The following SHISA9 variants were observed in gnomAD, a reference collection of about 807,000 sequenced individuals.
SHISA9 encodes shisa family member 9.
SHISA9 carries 13 observed loss-of-function variants against 38.0 expected under a neutral mutation model. The ratio of observed to expected loss-of-function variants is 0.34; its 90% CI spans 0.22 to 0.54. SHISA9 has a LOEUF of 0.54. Ranked by LOEUF, SHISA9 falls within the 20% of genes least tolerant of loss-of-function variation. The probability of loss-of-function intolerance (pLI) is 0.91; values close to 1 mark genes in which losing one functional copy is unlikely to be tolerated. For missense variants in SHISA9, 538 were observed against 575.8 expected (o/e 0.93, Z 0.67); for synonymous variants, 275 against 242.0 (o/e 1.14, Z -1.27).
the SHISA9 span, among the ~76,000 whole-genome samples, chr16:13,388,941 TA>T: frequency 6.6e-6 from 1 of 152,130 alleles, no homozygotes; most frequent in African/African-American, 2.4e-5. Flanking sequence ...TTGGAGTAGT[TA>T]GGGGCTCAGA....
chr16:13,354,662 C>A, the SHISA9 span, among the ~76,000 whole-genome samples: 81,656 of 149,964 alleles, frequency 0.54, 22,671 homozygotes, highest in African/African-American at 0.64. Context: ...GCTGCACGCA[C>A]ACATGAGGGC....
chr16:13,353,096 G>A, the SHISA9 span, among the ~76,000 whole-genome samples: 1 of 152,142 alleles, frequency 6.6e-6, no homozygotes, highest in Non-Finnish European at 1.5e-5. Context: ...TGGGTGGTAT[G>A]GAGAGAGAAT....
chr16:13,164,414 GT>G (rs996389346), intron 2 of SHISA9, among the ~76,000 whole-genome samples: 1 of 151,944 alleles, frequency 6.6e-6, no homozygotes, highest in African/African-American at 2.4e-5. Flanking sequence ...TTTAACCTAT[GT>G]TTTTGATGGA....
chr16:13,409,951 G>A, the SHISA9 span, among the ~76,000 whole-genome samples: 1 of 152,064 alleles, frequency 6.6e-6, no homozygotes, highest in Non-Finnish European at 1.5e-5. Flanking sequence ...GTGAGAATGG[G>A]ATGAATACAT....
intron 2 of SHISA9, among the ~76,000 whole-genome samples, chr16:13,126,305 C>G (rs1039969154): frequency 6.6e-6 from 1 of 152,158 alleles, no homozygotes; most frequent in Non-Finnish European, 1.5e-5. Flanking sequence ...CTCCTCTACT[C>G]CAGCTGAGTA....
At chr16:13,452,794 C>T in the SHISA9 span, among the ~76,000 whole-genome samples, 73,825 of 151,112 alleles carry the variant, frequency 0.49, 19,171 homozygotes, top group South Asian at 0.76. Context: ...TCCAATACAC[C>T]AAGCTGTCTG....
chr16:13,367,694 G>A, the SHISA9 span, among the ~76,000 whole-genome samples: 1 of 73,602 alleles, frequency 1.4e-5, no homozygotes, highest in African/African-American at 4.5e-5. Flanking sequence ...ACACGCGTGT[G>A]CGTGCGCGCG....
chr16:13,411,212 G>A, the SHISA9 span, among the ~76,000 whole-genome samples: 45 of 152,254 alleles, frequency 3.0e-4, no homozygotes, highest in Middle Eastern at 6.8e-3. Flanking sequence ...ATGAATAGTG[G>A]AACACTTTGA....
chr16:13,510,176 C>T, the SHISA9 span, among the ~76,000 whole-genome samples: 7 of 152,200 alleles, frequency 4.6e-5, no homozygotes, highest in South Asian at 1.0e-3. Flanking sequence ...GGCATGGTGG[C>T]AGGCACCTGT....
chr16:12,915,654 T>A (rs1266864590), intron 1 of SHISA9, among the ~76,000 whole-genome samples: 1 of 152,158 alleles, frequency 6.6e-6, no homozygotes, highest in Non-Finnish European at 1.5e-5. Flanking sequence ...GAAGGCTCAT[T>A]CCTGAAGGTA....
the SHISA9 span, among the ~76,000 whole-genome samples, chr16:13,397,842 T>TTG: frequency 1.3e-5 from 2 of 152,188 alleles, no homozygotes; most frequent in Non-Finnish European, 2.9e-5. Flanking sequence ...CCAGGGTTTC[T>TTG]TGCCTTGGTG....
At chr16:13,389,344 T>G in the SHISA9 span, among the ~76,000 whole-genome samples, 1 of 152,186 alleles carries the variant, frequency 6.6e-6, no homozygotes, top group East Asian at 1.9e-4. Flanking sequence ...CAGATTGGCT[T>G]CTTTCACTTA....
rs1010970276 is a variant in SHISA9 at position 12,998,432 on chromosome 16, C to T, written c.691+81617C>T. Among the ~76,000 whole-genome samples, 5 of 152,148 alleles carry T rather than the reference C, an allele frequency of 3.3e-5. No homozygotes were observed. In the South Asian group the frequency reaches 1.0e-3, roughly 32 times the overall value. ...CCTTTTGGTATGTAGCTCTACCATC[C>T]CTTGGGGTAAAGGTTCACAGACTTT... On this transcript the variant is annotated intron_variant, in intron 2 of 4. Transcript: ENST00000558583.
At chr16:13,043,632 C>G (rs1389286944) in intron 2 of SHISA9, among the ~76,000 whole-genome samples, 2 of 152,220 alleles carry the variant, frequency 1.3e-5, no homozygotes, top group Non-Finnish European at 2.9e-5. Flanking sequence ...TAACCTCCCA[C>G]AGCTTGAACT....
chr16:13,475,390 G>T, the SHISA9 span, among the ~76,000 whole-genome samples: 1 of 151,338 alleles, frequency 6.6e-6, no homozygotes, highest in African/African-American at 2.4e-5. Context: ...ATATATGAAA[G>T]AGATTATGAA....
chr16:13,198,056 A>G (rs2050965306), intron 2 of SHISA9, among the ~76,000 whole-genome samples: 1 of 152,074 alleles, frequency 6.6e-6, no homozygotes, highest in Non-Finnish European at 1.5e-5. Context: ...TTGGTGGCAC[A>G]TGCCTGTAAT....
chr16:12,943,879 T>G (rs143279281), intron 2 of SHISA9, among the ~76,000 whole-genome samples: 5 of 152,348 alleles, frequency 3.3e-5, no homozygotes, highest in African/African-American at 4.8e-5. Context: ...ATTCTTGACT[T>G]ACTTGTTTAT....
intron 2 of SHISA9, among the ~76,000 whole-genome samples, chr16:13,172,405 C>G (rs1183964466): frequency 6.6e-6 from 1 of 152,222 alleles, no homozygotes; most frequent in African/African-American, 2.4e-5. Context: ...AGCCAGGTAA[C>G]TGGCTGGTTG....
chr16:13,241,536 C>T (rs1206011869), downstream of SHISA9, among the ~76,000 whole-genome samples: 1 of 152,104 alleles, frequency 6.6e-6, no homozygotes, highest in Non-Finnish European at 1.5e-5. Context: ...AATCCCTAGG[C>T]ACAGAGATGC....
Sources: allele counts gnomAD v4.1 joint callset (sites outside exome capture counted in the v4.1 genomes callset), GRCh38; gene constraint gnomAD v4.1.1; transcripts MANE v1.5; gene names NCBI Gene and HGNC (gene_info 2026-07-23, HGNC 2026-07-21).